SEZ6L2: variants seen among roughly 807,000 people sequenced by gnomAD.
SEZ6L2 encodes seizure 6-like protein 2.
A neutral mutation model predicts 97.0 loss-of-function variants in SEZ6L2; 44 were observed. The ratio of observed to expected loss-of-function variants is 0.45; its 90% CI spans 0.36 to 0.58. The LOEUF is 0.58. Ranked by LOEUF, SEZ6L2 falls within the 20% of genes least tolerant of loss-of-function variation. The probability of loss-of-function intolerance (pLI) is 0.00; values close to 1 mark genes in which losing one functional copy is unlikely to be tolerated. For missense variants in SEZ6L2, 1,086 were observed against 1,233.3 expected (o/e 0.88, Z 1.79); for synonymous variants, 543 against 546.1 (o/e 0.99, Z 0.08).
chr16:29,898,968 T>G lies in SEZ6L2; in HGVS notation c.52A>C (p.Ile18Leu), dbSNP rs1331348256. Reference sequence around the variant, plus strand: ...TGGATCCAGGGACAGCTCAGCAGAATTAGGAACAGCAGCTGGGGAGGCGGC... The same window carrying G: ...TGGATCCAGGGACAGCTCAGCAGAAGTAGGAACAGCAGCTGGGGAGGCGGC... Reference protein sequence around the residue: ...HPPPPQLLFLILLSCPWIQGL... With the variant: ...HPPPPQLLFLLLLSCPWIQGL... The change falls in exon 1 of 18, where the codon ATT (isoleucine) becomes CTT (leucine). Residue 18 changes from isoleucine (I) to leucine (L), a missense_variant. Transcript: ENST00000617533. 1 of 1,611,966 alleles carries G rather than the reference T, an allele frequency of 6.2e-7. No homozygotes were observed. The highest frequency in any genetic ancestry group is 1.1e-5 in the South Asian group (1 of 90,962).
At chr16:29,895,569 G>A (rs1391015418) in intron 4 of SEZ6L2, 109 bp from the exon 5 acceptor site, 2 of 1,406,406 alleles carry the variant, frequency 1.4e-6, no homozygotes, top group Admixed American at 2.2e-5. Flanking sequence ...AAGGCACCAC[G>A]CTGCTGCCCA....
intron 12 of SEZ6L2, among the ~76,000 whole-genome samples, chr16:29,874,347 T>G (rs2067852685): frequency 1.3e-5 from 2 of 151,884 alleles, no homozygotes; most frequent in Non-Finnish European, 2.9e-5. Flanking sequence ...CTGCCCTCTT[T>G]AGAGGGGGCC....
chr16:29,877,076 T>G (rs1353925464), intron 11 of SEZ6L2, 126 bp from the exon 12 acceptor site: 23 of 1,128,296 alleles, frequency 2.0e-5, no homozygotes, highest in South Asian at 3.2e-5. Flanking sequence ...GAGACAGGGT[T>G]TCCTGTCGCC....
chr16:29,897,613 GTC>G (rs1490081586), intron 2 of SEZ6L2, among the ~76,000 whole-genome samples: 1 of 132,502 alleles, frequency 7.5e-6, no homozygotes, highest in Non-Finnish European at 1.6e-5. Flanking sequence ...GTTTCTATGT[GTC>G]TGTTTTTCTG....
intron 5 of SEZ6L2, among the ~76,000 whole-genome samples, chr16:29,894,799 G>T (rs970488645): frequency 2.0e-5 from 3 of 152,024 alleles, no homozygotes; most frequent in Non-Finnish European, 4.4e-5. Context: ...GTATGCATGG[G>T]TCTCCTCTGA....
Position 29,872,426 on chromosome 16 carries a change from A to G in SEZ6L2, c.2628T>C (p.Val876=), listed in dbSNP as rs1204562308. 2 of 1,614,156 alleles carry G rather than the reference A, an allele frequency of 1.2e-6. No homozygotes were observed. Among genetic ancestry groups the G allele is most frequent in the South Asian group, 2.2e-5 (2 of 91,080 alleles). Reference sequence around the variant, plus strand: ...CTACTTACTTGGTGTAGTAGATGTAAACGCCACTGCCGAGGACAATGACCA... The same window carrying G: ...CTACTTACTTGGTGTAGTAGATGTAGACGCCACTGCCGAGGACAATGACCA... ...LGLVIVLGSG[V]YIYYTKLQGK... Residue 876 remains valine (V), a synonymous_variant, in exon 16 of 18, where the codon GTT becomes GTC. Coordinates refer to ENST00000617533, the MANE Select transcript of SEZ6L2 (RefSeq NM_001243332.2).
chr16:29,894,482 T>C (rs973332514), intron 5 of SEZ6L2, among the ~76,000 whole-genome samples: 1 of 138,836 alleles, frequency 7.2e-6, no homozygotes. Context: ...TTAGTCATCA[T>C]CTCCTCCAAG....
Position 29,895,389 on chromosome 16 carries a change from G to A in SEZ6L2, c.723C>T (p.Ala241=). ...TGGATGAGTTGGCCAGGAGTCGGGG[G>A]GCCAGGCCTGGGGATCCCCCACCAG... ...VLAGGGSPGL[A]PRLLANSSML... Residue 241 remains alanine (A), a synonymous_variant, in exon 5 of 18, where the codon GCC becomes GCT. Transcript: ENST00000617533. 6.2e-7 allele frequency: 1 copy of A among 1,614,108 alleles called. No homozygotes were observed. Among genetic ancestry groups the A allele is most frequent in the Non-Finnish European group, 8.5e-7 (1 of 1,180,014 alleles).
At chr16:29,877,230 T>C (rs2067924629) in intron 11 of SEZ6L2, 41 bp downstream of exon 11, 1 of 1,498,612 alleles carries the variant, frequency 6.7e-7, no homozygotes. Flanking sequence ...ATCTCTGGCC[T>C]GCCCGACCCC....
chr16:29,876,775 C>A lies in SEZ6L2; in HGVS notation c.2085G>T (p.Ala695=). The change falls in exon 12 of 18, where the codon GCG becomes GCT. Residue 695 remains alanine (A), a synonymous_variant. Coordinates refer to ENST00000617533, the MANE Select transcript of SEZ6L2 (RefSeq NM_001243332.2). This position sits in a 1 kb window ranked among gnomAD's most constrained non-coding sequence, Gnocchi z 6.5. ...GCTCACTCTTTTGGCAGGCGGGCGG[C>A]GCGGCGCTCCAAGACAGGTCCCACT... ...TCQWDLSWSA[A]PPACQKIMTC... is the part of the protein sequence containing the mutation. The A allele has an allele frequency of 6.4e-7, 1 of 1,554,966 alleles. No individual in the cohort carries two copies. The highest frequency in any genetic ancestry group is 1.2e-5 in the South Asian group (1 of 85,280).
chr16:29,875,685 G>A (rs145418606), intron 12 of SEZ6L2, among the ~76,000 whole-genome samples: 6 of 95,154 alleles, frequency 6.3e-5, no homozygotes, highest in Non-Finnish European at 1.2e-4. Flanking sequence ...TTTTTGAGAT[G>A]GAGTATCACT....
chr16:29,875,661 CTTTCTTT>C (rs1039783839), intron 12 of SEZ6L2, among the ~76,000 whole-genome samples: 2 of 112,712 alleles, frequency 1.8e-5, no homozygotes, highest in African/African-American at 7.6e-5. Context: ...TTCTTTCTTT[CTTTCTTT>C]TTTTTTTTTT....
At chr16:29,874,126 A>G (rs4787483) in intron 12 of SEZ6L2, among the ~76,000 whole-genome samples, 35,924 of 152,130 alleles carry the variant, frequency 0.24, 5,122 homozygotes, top group Non-Finnish European at 0.33. Flanking sequence ...AATGCAGTGC[A>G]TCTATTTTCA....
At chr16:29,891,330 C>T (rs1052578233) in intron 5 of SEZ6L2, among the ~76,000 whole-genome samples, 1 of 151,360 alleles carries the variant, frequency 6.6e-6, no homozygotes, top group East Asian at 2.0e-4. Context: ...TCCCAAAGTG[C>T]TGGGATTACA....
chr16:29,871,346 C>T lies in SEZ6L2; in HGVS notation c.*353G>A, dbSNP rs1448765306. 6 of 372,648 alleles carry T rather than the reference C, an allele frequency of 1.6e-5. No individual in the cohort carries two copies. In the East Asian group the frequency reaches 2.5e-4, roughly 16 times the overall value. 23.1% of individuals were successfully genotyped at this position (372,648 alleles called of 1,614,324 possible). A position where few individuals can be genotyped will look rare whatever the true frequency, so the allele number is the denominator to read the frequency against. ...AGGGCATCTGGGAGGGGGGCACCTT[C>T]GTGGCCAAGGGAACAGTAGAGCTAT... On this transcript the variant is annotated 3_prime_UTR_variant, in exon 18 of 18. Coordinates refer to ENST00000617533, the MANE Select transcript of SEZ6L2 (RefSeq NM_001243332.2).
chr16:29,874,533 T>G (rs2067856856), intron 12 of SEZ6L2, among the ~76,000 whole-genome samples: 1 of 148,390 alleles, frequency 6.7e-6, no homozygotes, highest in African/African-American at 2.5e-5. Context: ...CAAATATAAT[T>G]CTTTGTGTGT....
chr16:29,880,034 A>G lies in SEZ6L2; in HGVS notation c.1403T>C (p.Phe468Ser), dbSNP rs769865998. ...AFEEDRCFAP[F>S]LAHGNVTTTD... ...GGTAGTGACATTTCCATGTGCCAGG[A>G]AGGGGGCGAAGCAGCGATCCTCCTC... The change falls in exon 9 of 18, where the codon TTC (phenylalanine) becomes TCC (serine). Residue 468 changes from phenylalanine (F) to serine (S), a missense_variant. This residue lies in a region of SEZ6L2 where 776 missense variants were observed against 794.7 expected (regional missense o/e 0.98). Coordinates refer to ENST00000617533, the MANE Select transcript of SEZ6L2 (RefSeq NM_001243332.2). 3.0e-5 allele frequency: 49 copies of G among 1,614,088 alleles called. No homozygotes were observed. The highest frequency in any genetic ancestry group is 3.9e-5 in the Non-Finnish European group (46 of 1,180,038).
rs1268279914 is a variant in SEZ6L2 at position 29,871,726 on chromosome 16, A to G, written c.2745T>C (p.Asp915=). 1 of 1,608,668 alleles carries G rather than the reference A, an allele frequency of 6.2e-7. No individual in the cohort carries two copies. Residue 915 remains aspartate (D), a splice_region_variant and synonymous_variant, in exon 18 of 18, where the codon GAT becomes GAC. Coordinates refer to ENST00000617533, the MANE Select transcript of SEZ6L2 (RefSeq NM_001243332.2). ...DFSNPLYEAG[D]TREYEVSI is the part of the protein sequence containing the mutation. Reference sequence around the variant, plus strand: ...AGATGGAAACTTCATACTCCCGCGTATCCTGAAGACAGAGAGATCAGGTCA... The same window carrying G: ...AGATGGAAACTTCATACTCCCGCGTGTCCTGAAGACAGAGAGATCAGGTCA...
intron 5 of SEZ6L2, among the ~76,000 whole-genome samples, chr16:29,892,810 G>C (rs1186714957): frequency 6.6e-6 from 1 of 152,234 alleles, no homozygotes; most frequent in Non-Finnish European, 1.5e-5. Flanking sequence ...ACAGGGCACT[G>C]GCTGGGCCCC....
Sources: allele counts gnomAD v4.1 joint callset (sites outside exome capture counted in the v4.1 genomes callset), GRCh38; gene constraint gnomAD v4.1.1; regional missense constraint gnomAD v4.1.1; non-coding constraint Gnocchi (gnomAD v3.1); transcripts MANE v1.5; gene names NCBI Gene and HGNC (gene_info 2026-07-23, HGNC 2026-07-21).